INIP: variants seen among roughly 807,000 people sequenced by gnomAD.
INIP encodes the protein SOSS complex subunit C.
A neutral mutation model predicts 14.0 loss-of-function variants in INIP; 9 were observed. The observed-to-expected ratio is 0.64, with a 90% CI of 0.39 to 1.12. The LOEUF (loss-of-function observed/expected upper bound fraction) is 1.12, where lower values mean the gene tolerates loss of function less well. Among genes scored for constraint, INIP ranks in the 50% most tolerant of loss-of-function variants. The probability of loss-of-function intolerance (pLI) is 0.01; values close to 1 mark genes in which losing one functional copy is unlikely to be tolerated. For missense variants in INIP, 78 were observed against 122.7 expected (o/e 0.64, Z 1.72); for synonymous variants, 37 against 41.5 (o/e 0.89, Z 0.41).
intron 2 of INIP, among the ~76,000 whole-genome samples, chr9:112,711,190 A>G (rs1485225415): frequency 1.3e-5 from 2 of 152,066 alleles, no homozygotes; most frequent in African/African-American, 2.4e-5. Context: ...ATTAAATTAA[A>G]GAGAGAGAGA....
intron 1 of INIP, among the ~76,000 whole-genome samples, chr9:112,716,801 A>G (rs1420067301): frequency 6.6e-6 from 1 of 151,936 alleles, no homozygotes; most frequent in Non-Finnish European, 1.5e-5. Context: ...AATTAAAAAA[A>G]AAAATCAGCC....
chr9:112,688,766 C>T (rs1837774727), intron 4 of INIP, among the ~76,000 whole-genome samples: 2 of 152,110 alleles, frequency 1.3e-5, no homozygotes, highest in East Asian at 1.9e-4. Flanking sequence ...TTACTTGAAC[C>T]CAGGAGTTCG....
intron 2 of INIP, among the ~76,000 whole-genome samples, chr9:112,705,312 A>T (rs889761322): frequency 4.6e-5 from 7 of 151,982 alleles, no homozygotes; most frequent in Non-Finnish European, 8.8e-5. Context: ...AAATGTTTTT[A>T]AAAAAATTTT....
chr9:112,699,577 C>T (rs1246963361), intron 2 of INIP, among the ~76,000 whole-genome samples: 3 of 151,976 alleles, frequency 2.0e-5, no homozygotes, highest in Non-Finnish European at 1.5e-5. Context: ...ATAAATTAAA[C>T]TTTATCGTAG....
At chr9:112,690,643 GC>G (rs1588071946) in intron 3 of INIP, among the ~76,000 whole-genome samples, 1 of 152,306 alleles carries the variant, frequency 6.6e-6, no homozygotes, top group Non-Finnish European at 1.5e-5. Context: ...CCAGGCTCAT[GC>G]CCCAGGGGGT....
chr9:112,705,978 C>T (rs1838453401), intron 2 of INIP, among the ~76,000 whole-genome samples: 1 of 152,164 alleles, frequency 6.6e-6, no homozygotes, highest in Non-Finnish European at 1.5e-5. Flanking sequence ...CGAACACCCT[C>T]TGGTGGTAAG....
chr9:112,716,380 C>G (rs966881423), intron 2 of INIP, 81 bp downstream of exon 2: 18 of 1,297,512 alleles, frequency 1.4e-5, no homozygotes, highest in Non-Finnish European at 2.0e-5. Context: ...AGTAACTGCC[C>G]TATGCTAAAT....
chr9:112,715,074 A>C (rs992282252), intron 2 of INIP, among the ~76,000 whole-genome samples: 4 of 151,760 alleles, frequency 2.6e-5, no homozygotes, highest in African/African-American at 9.7e-5. Context: ...GTGTTGCCTG[A>C]TTCTAGAATC....
rs116767190 is a variant in INIP at position 112,688,874 on chromosome 9, G to A, written c.219+653C>T. Among the ~76,000 whole-genome samples the A allele has an allele frequency of 3.7e-3, 565 of 152,162 alleles. 3 individuals are homozygous for A. Among genetic ancestry groups the A allele is most frequent in the African/African-American group, 0.013 (553 of 41,524 alleles). On this transcript the variant is annotated intron_variant, in intron 4 of 4. Coordinates refer to ENST00000374242, the MANE Select transcript of INIP (RefSeq NM_021218.3). Reference sequence around the variant, plus strand: ...AAATAGATAAATAAAATAAAATAAAGTGAGATGGTCATAATGTTCCTTCCA... The same window carrying A: ...AAATAGATAAATAAAATAAAATAAAATGAGATGGTCATAATGTTCCTTCCA...
At chr9:112,716,995 C>T (rs982553962) in intron 1 of INIP, among the ~76,000 whole-genome samples, 1 of 151,428 alleles carries the variant, frequency 6.6e-6, no homozygotes, top group Non-Finnish European at 1.5e-5. Context: ...AAGAAAGATA[C>T]ATTTGAAATG....
At position 112,697,189 on chromosome 9, in the gene INIP, G is replaced by A. The variant is rs1342305627; in HGVS notation, c.26-2956C>T. 4.6e-5 allele frequency among the ~76,000 whole-genome samples: 7 copies of A among 152,244 alleles called. No individual in the cohort carries two copies. The East Asian group carries it at 1.2e-3, about 25-fold the overall frequency. On this transcript the variant is annotated intron_variant, in intron 2 of 4. Transcript: ENST00000374242. ...CCAGGAAATCACAAAGGTCTTCAGA[G>A]CTCTGTGTTAGGAAATGGGGTTCAA...
chr9:112,688,064 C>T lies in INIP; in HGVS notation c.220-431G>A, dbSNP rs910081526. Among the ~76,000 whole-genome samples, 7 of 149,140 alleles carry T rather than the reference C, an allele frequency of 4.7e-5. No individual in the cohort carries two copies. The East Asian group carries it at 5.9e-4, about 13-fold the overall frequency. ...TCGCACCACTGCACTCCAGCCTGGG[C>T]GACAGAGCGAGACTCCATCTCAAAT... On this transcript the variant is annotated intron_variant, in intron 4 of 4. Transcript: ENST00000374242.
intron 3 of INIP, among the ~76,000 whole-genome samples, chr9:112,693,291 C>G (rs932543791): frequency 6.6e-6 from 1 of 152,164 alleles, no homozygotes; most frequent in African/African-American, 2.4e-5. Flanking sequence ...GAAAAGCTCT[C>G]TCTCTCCCCT....
rs765271316 is a variant in INIP, at chr9:112,692,005, C to CA, written c.128+2125dup. 2.6e-4 allele frequency among the ~76,000 whole-genome samples: 38 copies of CA among 143,674 alleles called. No individual in the cohort carries two copies. The East Asian group carries it at 5.0e-3, about 19-fold the overall frequency. The allele number at this position is 143,674 out of a possible 152,430, so 94.3% of individuals were successfully genotyped here. A position where few individuals can be genotyped will look rare whatever the true frequency, so the allele number is the denominator to read the frequency against. ...AGCCTGCACAGCAGAGACCCTGTCT[C>CA]AAAAAAAAAGAAAAAAGAAAAAAAA... On this transcript the variant is annotated intron_variant, in intron 3 of 4. Coordinates refer to ENST00000374242, the MANE Select transcript of INIP (RefSeq NM_021218.3).
chr9:112,695,588 G>A (rs1389896524), intron 2 of INIP, among the ~76,000 whole-genome samples: 3 of 152,018 alleles, frequency 2.0e-5, no homozygotes, highest in Non-Finnish European at 4.4e-5. Flanking sequence ...TCTGTGGCCA[G>A]GATTCTGGGC....
intron 2 of INIP, among the ~76,000 whole-genome samples, chr9:112,706,389 T>C (rs972121878): frequency 2.0e-5 from 3 of 151,842 alleles, no homozygotes; most frequent in Admixed American, 2.0e-4. Context: ...GCTAAGACTA[T>C]AGGTGTGCAC....
chr9:112,689,499 AG>A, intron 4 of INIP, 27 bp downstream of exon 4: 1 of 1,586,412 alleles, frequency 6.3e-7, no homozygotes, highest in Non-Finnish European at 8.7e-7. Flanking sequence ...ACCTCCACCG[AG>A]GCAAGAATGT....
At chr9:112,695,032 G>C (rs1564226734) in intron 2 of INIP, among the ~76,000 whole-genome samples, 1 of 152,096 alleles carries the variant, frequency 6.6e-6, no homozygotes, top group Non-Finnish European at 1.5e-5. Flanking sequence ...CAGATTCCTA[G>C]CTTCTCTTGA....
At chr9:112,694,842 T>C (rs1197747172) in intron 2 of INIP, among the ~76,000 whole-genome samples, 1 of 152,234 alleles carries the variant, frequency 6.6e-6, no homozygotes, top group Non-Finnish European at 1.5e-5. Context: ...ACTGACAGGA[T>C]ACAAAGAGAT....
Sources: gnomAD v4.1 joint callset for allele counts (sites outside exome capture counted in the v4.1 genomes callset) on GRCh38, gnomAD v4.1.1 for gene constraint, MANE v1.5 for transcripts, NCBI Gene and HGNC (gene_info 2026-07-23, HGNC 2026-07-21) for gene names.